The following ZNF579 variants were observed in gnomAD, a reference collection of about 807,000 sequenced individuals.
The protein encoded by ZNF579 is zinc finger protein 579.
ZNF579 carries 3 observed loss-of-function variants against 5.7 expected under a neutral mutation model. The ratio of observed to expected loss-of-function variants is 0.53; its 90% CI spans 0.24 to 1.36. The LOEUF (loss-of-function observed/expected upper bound fraction) is 1.36, where lower values mean the gene tolerates loss of function less well. Among genes scored for constraint, ZNF579 ranks in the 40% most tolerant of loss-of-function variants. ZNF579 has a pLI of 0.16. For missense variants in ZNF579, 679 were observed against 877.6 expected, an observed-to-expected ratio of 0.77 and a Z score of 2.86; for synonymous variants, 454 against 409.0, an observed-to-expected ratio of 1.11 and a Z score of -1.33.
Position 55,578,087 on chromosome 19 carries a change from G to C in ZNF579, c.1553C>G (p.Pro518Arg), listed in dbSNP as rs778183431. 1 of 1,571,852 alleles carries C rather than the reference G, an allele frequency of 6.4e-7. No homozygotes were observed. Among genetic ancestry groups the C allele is most frequent in the Non-Finnish European group, 8.6e-7 (1 of 1,158,200 alleles). The change falls in exon 2 of 2, where the codon CCC becomes CGC. Residue 518 changes from proline (P) to arginine (R), a missense_variant. Physicochemically the swap from Pro to Arg is moderately radical, Grantham distance 103. Around this residue, in one of 6 missense-constraint regions of ZNF579, gnomAD observed 116 missense variants for 121.9 expected, o/e 0.95. Coordinates refer to ENST00000325421, the MANE Select transcript of ZNF579 (RefSeq NM_152600.3). ...KEEPPSPGTPPQSPPAPPVFL... is the reference protein window; with the variant it reads ...KEEPPSPGTPRQSPPAPPVFL... ...GACAGGGGGAGCCGGCGGGGACTGG[G>C]GTGGGGTCCCCGGAGAGGGCGGCTC...
Position 55,578,367 on chromosome 19 carries a change from C to A in ZNF579, c.1273G>T (p.Ala425Ser), listed in dbSNP as rs1475298751. The A allele has an allele frequency of 1.4e-6, 2 of 1,456,200 alleles. No individual in the cohort carries two copies. Among genetic ancestry groups the A allele is most frequent in the South Asian group, 1.3e-5 (1 of 76,162 alleles). The allele number at this position is 1,456,200 out of a possible 1,614,324, so 90.2% of individuals were successfully genotyped here. ...ACCTGTGCGTGGCGCGCCAGGTCGG[C>A]CAGGCGCTTGAACTCCCGCTGGCAG... is the stretch of plus-strand genomic sequence containing the variant. ...VRCQREFKRL[A>S]DLARHAQVHA... is the part of the protein sequence containing the mutation. The change falls in exon 2 of 2, where the codon GCC (alanine) becomes TCC (serine). Residue 425 changes from alanine (A) to serine (S), a missense_variant. Physicochemically the swap from Ala to Ser is moderately conservative, Grantham distance 99. Coordinates refer to ENST00000325421, the MANE Select transcript of ZNF579 (RefSeq NM_152600.3).
Position 55,577,318 on chromosome 19 carries a change from G to T in ZNF579, c.*633C>A. The T allele has an allele frequency of 6.3e-6, 1 of 158,620 alleles. No homozygotes were observed. The highest frequency in any genetic ancestry group is 1.4e-5 in the Non-Finnish European group (1 of 71,396). 9.8% of individuals were successfully genotyped at this position (158,620 alleles called of 1,614,324 possible). ...AGGATAATCGCGCGGAGCTTCCACA[G>T]GGCAGCGGTGACGATGATCTATCTT... On this transcript the variant is annotated 3_prime_UTR_variant, in exon 2 of 2. Transcript: ENST00000325421.
Position 55,579,099 on chromosome 19 carries a change from T to C in ZNF579, c.541A>G (p.Thr181Ala). 1 of 1,527,764 alleles carries C rather than the reference T, an allele frequency of 6.5e-7. No individual in the cohort carries two copies. The highest frequency in any genetic ancestry group is 8.7e-7 in the Non-Finnish European group (1 of 1,143,474). 94.6% of individuals were successfully genotyped at this position (1,527,764 alleles called of 1,614,324 possible). ...PETWPAGEPSTLAAPTSAAEP... is the reference protein window; with the variant it reads ...PETWPAGEPSALAAPTSAAEP... ...GCGGCGCTGGTGGGCGCAGCCAGCG[T>C]GGAAGGCTCCCCCGCAGGCCACGTC... The change falls in exon 2 of 2, where the codon ACG (threonine) becomes GCG (alanine). Residue 181 changes from threonine (T) to alanine (A), a missense_variant. Thr to Ala is a moderately conservative substitution (Grantham distance 58). Transcript: ENST00000325421.
Position 55,578,551 on chromosome 19 carries a change from C to A in ZNF579, c.1089G>T (p.Gly363=), listed in dbSNP as rs1208743391. The A allele has an allele frequency of 1.4e-6, 2 of 1,430,540 alleles. No individual in the cohort carries two copies. Among genetic ancestry groups the A allele is most frequent in the Non-Finnish European group, 9.1e-7 (1 of 1,101,226 alleles). The allele number at this position is 1,430,540 out of a possible 1,614,324, so 88.6% of individuals were successfully genotyped here. A position where few individuals can be genotyped will look rare whatever the true frequency, so the allele number is the denominator to read the frequency against. ...EGAECGGASE[G]GEGQNGGDAA... ...CGTCGCCTCCGTTCTGCCCTTCTCC[C>A]CCTTCCGAGGCACCCCCGCACTCCG... Residue 363 remains glycine, a synonymous_variant, in exon 2 of 2, where the codon GGG becomes GGT. Coordinates refer to ENST00000325421, the MANE Select transcript of ZNF579 (RefSeq NM_152600.3).
In ZNF579 at chr19:55,577,295, G is replaced by A. The variant is rs917867265; in HGVS notation, c.*656C>T. The A allele has an allele frequency of 1.3e-5, 2 of 157,032 alleles. No individual in the cohort carries two copies. Among genetic ancestry groups the A allele is most frequent in the African/African-American group, 4.8e-5 (2 of 41,428 alleles). 9.7% of individuals were successfully genotyped at this position (157,032 alleles called of 1,614,324 possible). ...GGAGCTTCCACAGGGCAGTGGTGAG[G>A]ATAATCGCGCGGAGCTTCCACAGGG... On this transcript the variant is annotated 3_prime_UTR_variant, in exon 2 of 2. Transcript: ENST00000325421.
Position 55,579,631 on chromosome 19 carries a change from C to G in ZNF579, c.9G>C (p.Pro3=). MD[P]QPPPPAQGSP... is the part of the protein sequence containing the mutation. ...TGCCCTGGGCGGGTGGAGGAGGCTGCGGATCCATGCCTGTGGGGAGAGAGG... is the reference window on the plus strand; with the variant it reads ...TGCCCTGGGCGGGTGGAGGAGGCTGGGGATCCATGCCTGTGGGGAGAGAGG... Residue 3 remains proline (P), a synonymous_variant, in exon 2 of 2, where the codon CCG becomes CCC. Coordinates refer to ENST00000325421, the MANE Select transcript of ZNF579 (RefSeq NM_152600.3). The G allele has an allele frequency of 6.8e-7, 1 of 1,466,484 alleles. No homozygotes were observed. Among genetic ancestry groups the G allele is most frequent in the East Asian group, 2.9e-5 (1 of 34,982 alleles). The allele number at this position is 1,466,484 out of a possible 1,614,324, so 90.8% of individuals were successfully genotyped here.
At position 55,578,540 on chromosome 19, in the gene ZNF579, T is replaced by C; in HGVS notation, c.1100A>G (p.Gln367Arg). The C allele has an allele frequency of 7.5e-7, 1 of 1,324,526 alleles. No homozygotes were observed. The highest frequency in any genetic ancestry group is 9.5e-7 in the Non-Finnish European group (1 of 1,048,406). 82.0% of individuals were successfully genotyped at this position (1,324,526 alleles called of 1,614,324 possible). ...AGCCGGGGCGGCGTCGCCTCCGTTC[T>C]GCCCTTCTCCCCCTTCCGAGGCACC... Reference protein sequence around the residue: ...CGGASEGGEGQNGGDAAPARP... With the variant: ...CGGASEGGEGRNGGDAAPARP... The change falls in exon 2 of 2, where the codon CAG becomes CGG. Residue 367 changes from glutamine to arginine, a missense_variant. Gln to Arg is a conservative substitution (Grantham distance 43, BLOSUM62 1). Coordinates refer to ENST00000325421, the MANE Select transcript of ZNF579 (RefSeq NM_152600.3).
rs372284097 is a variant in ZNF579 at position 55,578,993 on chromosome 19, C to T, written c.647G>A (p.Arg216Gln). The T allele has an allele frequency of 3.3e-4, 504 of 1,533,096 alleles. No homozygotes were observed. Among genetic ancestry groups the T allele is most frequent in the Non-Finnish European group, 4.0e-4 (457 of 1,145,382 alleles). The allele number at this position is 1,533,096 out of a possible 1,614,324, so 95.0% of individuals were successfully genotyped here. ...LRAELALAAGRQEEKQVLLQA... is the reference protein window; with the variant it reads ...LRAELALAAGQQEEKQVLLQA... ...GAGCAGGACCTGTTTCTCCTCCTGC[C>T]GCCCGGCCGCCAGCGCCAGCTCGGC... The change falls in exon 2 of 2, where the codon CGG becomes CAG. Residue 216 changes from arginine (R) to glutamine (Q), a missense_variant. This residue lies in a region of ZNF579 where 209 missense variants were observed against 223.4 expected (regional missense o/e 0.94). Coordinates refer to ENST00000325421, the MANE Select transcript of ZNF579 (RefSeq NM_152600.3).
Position 55,579,375 on chromosome 19 carries a change from G to T in ZNF579, c.265C>A (p.Arg89Ser). ...TGGGGCCCGTGGCCGCGCAGGTGGC[G>T]GGAAAGGTGGGCCGGCCGGCGGAAG... ...KAFRRPAHLS[R>S]HLRGHGPQPP... is the part of the protein sequence containing the mutation. Residue 89 changes from arginine (R) to serine (S), a missense_variant, in exon 2 of 2, where the codon CGC becomes AGC. Physicochemically the swap from Arg to Ser is moderately radical, Grantham distance 110. This residue lies in a region of ZNF579 where 134 missense variants were observed against 208.9 expected (regional missense o/e 0.64). Coordinates refer to ENST00000325421, the MANE Select transcript of ZNF579 (RefSeq NM_152600.3). 7.5e-7 allele frequency: 1 copy of T among 1,340,478 alleles called. No homozygotes were observed. Among genetic ancestry groups the T allele is most frequent in the Non-Finnish European group, 9.6e-7 (1 of 1,046,592 alleles). 83.0% of individuals were successfully genotyped at this position (1,340,478 alleles called of 1,614,324 possible).
At position 55,578,953 on chromosome 19, in the gene ZNF579, C is replaced by T. The variant is rs1021427697; in HGVS notation, c.687G>A (p.Thr229=). ...CTTCGCGGCAGCGCAGACACAGCAGCGTCCAGTCTGCCTGGAGCAGGACCT... is the reference window on the plus strand; with the variant it reads ...CTTCGCGGCAGCGCAGACACAGCAGTGTCCAGTCTGCCTGGAGCAGGACCT... ...EKQVLLQADW[T]LLCLRCREAF... The change falls in exon 2 of 2, where the codon ACG becomes ACA. Residue 229 remains threonine, a synonymous_variant. Coordinates refer to ENST00000325421, the MANE Select transcript of ZNF579 (RefSeq NM_152600.3). 1.3e-6 allele frequency: 2 copies of T among 1,553,076 alleles called. No homozygotes were observed. The highest frequency in any genetic ancestry group is 1.7e-6 in the Non-Finnish European group (2 of 1,153,138).
At chr19:55,580,542 G>T (rs1487079857) in intron 1 of ZNF579, among the ~76,000 whole-genome samples, 1 of 150,118 alleles carries the variant, frequency 6.7e-6, no homozygotes, top group Non-Finnish European at 1.5e-5. Flanking sequence ...AGGACAAGGG[G>T]GAGGCGGGGG....
Position 55,579,659 on chromosome 19 carries a change from A to G in ZNF579, c.-2-18T>C. On this transcript the variant is annotated intron_variant, in intron 1 of 1. Coordinates refer to ENST00000325421, the MANE Select transcript of ZNF579 (RefSeq NM_152600.3). ...ATCCATGCCTGTGGGGAGAGAGGGGAGAGATGGGAAGCGGGGCAGAGATAA... is the reference window on the plus strand; with the variant it reads ...ATCCATGCCTGTGGGGAGAGAGGGGGGAGATGGGAAGCGGGGCAGAGATAA... 1.4e-6 allele frequency: 2 copies of G among 1,419,072 alleles called. No homozygotes were observed. The highest frequency in any genetic ancestry group is 1.8e-6 in the Non-Finnish European group (2 of 1,095,570). The allele number at this position is 1,419,072 out of a possible 1,614,324, so 87.9% of individuals were successfully genotyped here. A position where few individuals can be genotyped will look rare whatever the true frequency, so the allele number is the denominator to read the frequency against.
rs1456887089 is a variant in ZNF579 at position 55,578,577 on chromosome 19, C to T, written c.1063G>A (p.Ala355Thr). 6.9e-7 allele frequency: 1 copy of T among 1,454,322 alleles called. No homozygotes were observed. The highest frequency in any genetic ancestry group is 2.6e-5 in the East Asian group (1 of 37,992). The allele number at this position is 1,454,322 out of a possible 1,614,324, so 90.1% of individuals were successfully genotyped here. A position where few individuals can be genotyped will look rare whatever the true frequency, so the allele number is the denominator to read the frequency against. ...SAKGPEGGEG[A>T]ECGGASEGGE... ...CCTTCCGAGGCACCCCCGCACTCCG[C>T]CCCCTCGCCCCCCTCCGGCCCCTTG... The change falls in exon 2 of 2, where the codon GCG becomes ACG. Residue 355 changes from alanine (A) to threonine (T), a missense_variant. Physicochemically the swap from Ala to Thr is moderately conservative, Grantham distance 58. Around this residue, in one of 6 missense-constraint regions of ZNF579, gnomAD observed 114 missense variants for 98.9 expected, o/e 1.15. Coordinates refer to ENST00000325421, the MANE Select transcript of ZNF579 (RefSeq NM_152600.3).
In ZNF579 at chr19:55,579,020, C is replaced by T. The variant is rs12974574; in HGVS notation, c.620G>A (p.Arg207Lys). 3 of 1,531,904 alleles carry T rather than the reference C, an allele frequency of 2.0e-6. No homozygotes were observed. The South Asian group carries it at 3.6e-5, about 18-fold the overall frequency. The allele number at this position is 1,531,904 out of a possible 1,614,324, so 94.9% of individuals were successfully genotyped here. ...EEAEAGAAEL[R>K]AELALAAGRQ... ...CCCGGCCGCCAGCGCCAGCTCGGCCCTCAGCTCTGCTGCCCCGGCCTCGGC... is the reference window on the plus strand; with the variant it reads ...CCCGGCCGCCAGCGCCAGCTCGGCCTTCAGCTCTGCTGCCCCGGCCTCGGC... Residue 207 changes from arginine to lysine, a missense_variant, in exon 2 of 2, where the codon AGG becomes AAG. By Grantham distance (26) the Arg-to-Lys change is conservative. Coordinates refer to ENST00000325421, the MANE Select transcript of ZNF579 (RefSeq NM_152600.3).
rs528863118 is a variant in ZNF579 at position 55,576,782 on chromosome 19, C to T, written c.*1169G>A. 4 of 151,960 alleles carry T rather than the reference C, an allele frequency of 2.6e-5. No individual in the cohort carries two copies. The South Asian group carries it at 8.3e-4, about 32-fold the overall frequency. 9.4% of individuals were successfully genotyped at this position (151,960 alleles called of 1,614,324 possible). Reference sequence around the variant, plus strand: ...AGAGTGAAGAGTGTGACTGAGGAACCGAACTTTTACATTTATTTCATCTTA... The same window carrying T: ...AGAGTGAAGAGTGTGACTGAGGAACTGAACTTTTACATTTATTTCATCTTA... On this transcript the variant is annotated 3_prime_UTR_variant, in exon 2 of 2. Transcript: ENST00000325421.
chr19:55,579,048 C>T lies in ZNF579; in HGVS notation c.592G>A (p.Glu198Lys). 1 of 1,530,914 alleles carries T rather than the reference C, an allele frequency of 6.5e-7. No homozygotes were observed. The highest frequency in any genetic ancestry group is 8.7e-7 in the Non-Finnish European group (1 of 1,145,004). The allele number at this position is 1,530,914 out of a possible 1,614,324, so 94.8% of individuals were successfully genotyped here. A position where few individuals can be genotyped will look rare whatever the true frequency, so the allele number is the denominator to read the frequency against. ...AAEPRESESE[E>K]AEAGAAELRA... The stretch of plus-strand genomic sequence containing the variant: ...AGCTCTGCTGCCCCGGCCTCGGCCT[C>T]CTCCGACTCCGACTCCCGGGGCTCC... The change falls in exon 2 of 2, where the codon GAG becomes AAG. Residue 198 changes from glutamate to lysine, a missense_variant. By Grantham distance (56) the Glu-to-Lys change is moderately conservative. Transcript: ENST00000325421.
At position 55,578,690 on chromosome 19, in the gene ZNF579, C is replaced by T. The variant is rs1405241539; in HGVS notation, c.950G>A (p.Arg317His). 1.9e-6 allele frequency: 3 copies of T among 1,566,590 alleles called. No homozygotes were observed. Among genetic ancestry groups the T allele is most frequent in the Non-Finnish European group, 2.6e-6 (3 of 1,162,622 alleles). ...CAGGCTGAGGGGGCCGTGGACGCGG[C>T]GGTGCTGGCGGAGGTAGGAGGCGAG... ...FRLASYLRQH[R>H]RVHGPLSLLA... The change falls in exon 2 of 2, where the codon CGC (arginine) becomes CAC (histidine). Residue 317 changes from arginine (R) to histidine (H), a missense_variant. Arg to His is a conservative substitution (Grantham distance 29). Transcript: ENST00000325421.
chr19:55,578,064 CAG>C lies in ZNF579; in HGVS notation c.1574_1575del (p.Pro525ArgfsTer77), dbSNP rs1458218523. ...TCGAAACAGGAGGCGCTGAGGAAGA[CAG>C]GGGGAGCCGGCGGGGACTGGGGTGG... The part of the protein sequence containing the change: ...GTPPQSPPAP[P>X]VFLSASCFDS... On this transcript the variant is annotated frameshift_variant, in exon 2 of 2. Transcript: ENST00000325421. LOFTEE classifies it high-confidence loss of function. 3.8e-6 allele frequency: 6 copies of C among 1,583,194 alleles called. No individual in the cohort carries two copies. The highest frequency in any genetic ancestry group is 5.2e-6 in the Non-Finnish European group (6 of 1,164,714).
rs1219907942 is a variant in ZNF579, at chr19:55,579,264, C to G, written c.376G>C (p.Gly126Arg). ...CTCTCGATGGCCAGCTCGACCTCGCCGCCCGCGTGCTCCTGAGCCAGGTGG... is the reference window on the plus strand; with the variant it reads ...CTCTCGATGGCCAGCTCGACCTCGCGGCCCGCGTGCTCCTGAGCCAGGTGG... ...RRHLAQEHAG[G>R]EVELAIERVA... The change falls in exon 2 of 2, where the codon GGC (glycine) becomes CGC (arginine). Residue 126 changes from glycine (G) to arginine (R), a missense_variant. Physicochemically the swap from Gly to Arg is moderately radical, Grantham distance 125. Coordinates refer to ENST00000325421, the MANE Select transcript of ZNF579 (RefSeq NM_152600.3). 12 of 1,517,180 alleles carry G rather than the reference C, an allele frequency of 7.9e-6. No individual in the cohort carries two copies. Among genetic ancestry groups the G allele is most frequent in the Non-Finnish European group, 9.7e-6 (11 of 1,137,804 alleles). The allele number at this position is 1,517,180 out of a possible 1,614,324, so 94.0% of individuals were successfully genotyped here. A position where few individuals can be genotyped will look rare whatever the true frequency, so the allele number is the denominator to read the frequency against.
Sources: gnomAD v4.1 joint callset for allele counts (sites outside exome capture counted in the v4.1 genomes callset) on GRCh38, gnomAD v4.1.1 for gene constraint, gnomAD v4.1.1 regional missense constraint, MANE v1.5 for transcripts, NCBI Gene and HGNC (gene_info 2026-07-23, HGNC 2026-07-21) for gene names.